The following INTS7 variants were observed in gnomAD, a reference collection of about 807,000 sequenced individuals.
INTS7 encodes chromosome 1 open reading frame 73.
Under a neutral mutation model 109.2 loss-of-function variants are expected in INTS7, and 46 were observed. The ratio of observed to expected loss-of-function variants is 0.42; its 90% CI spans 0.33 to 0.54. The LOEUF (loss-of-function observed/expected upper bound fraction) is 0.54. INTS7 is among the 20% of genes least tolerant of loss of function. The pLI is 0.07. For synonymous variants in INTS7, 412 were observed against 402.9 expected, an observed-to-expected ratio of 1.02 and a Z score of -0.27; for missense variants, 929 against 1,132.4, an observed-to-expected ratio of 0.82 and a Z score of 2.58.
rs143135682 is a variant in INTS7 at position 212,035,114 on chromosome 1, A to C, written c.94+230T>G. 3.7e-3 allele frequency among the ~76,000 whole-genome samples: 569 copies of C among 152,292 alleles called. 4 individuals are homozygous for C. The highest frequency in any genetic ancestry group is 0.013 in the African/African-American group (553 of 41,570). On this transcript the variant is annotated intron_variant, in intron 1 of 19. Coordinates refer to ENST00000366994, the MANE Select transcript of INTS7 (RefSeq NM_015434.4). The stretch of plus-strand genomic sequence containing the variant: ...CTCAAGTGGTCAAAACGGGCCTCTC[A>C]CTAGAGCTCGCTACTTGTTTAGCCG...
At chr1:211,995,005 T>C (rs1420114511) in intron 7 of INTS7, among the ~76,000 whole-genome samples, 5 of 151,942 alleles carry the variant, frequency 3.3e-5, no homozygotes, top group Non-Finnish European at 7.4e-5. Context: ...AAAAGATAAC[T>C]GGCAATTAGA....
intron 13 of INTS7, among the ~76,000 whole-genome samples, chr1:211,969,208 C>T (rs1295438882): frequency 6.6e-6 from 1 of 151,738 alleles, no homozygotes; most frequent in Non-Finnish European, 1.5e-5. Flanking sequence ...TGGCGTGAAC[C>T]CGGGAGGCGG....
intron 7 of INTS7, among the ~76,000 whole-genome samples, chr1:212,000,910 C>T (rs1241401210): frequency 6.6e-6 from 1 of 152,174 alleles, no homozygotes; most frequent in Non-Finnish European, 1.5e-5. Context: ...TCCAGTCTCA[C>T]CCACTCAAGG....
chr1:212,020,830 T>G (rs1426060600), intron 2 of INTS7: 1 of 684,872 alleles, frequency 1.5e-6, no homozygotes, highest in Non-Finnish European at 2.0e-6. Flanking sequence ...TTTCCTGAAG[T>G]ACACAGTAAA....
At position 212,035,525 on chromosome 1, in the gene INTS7, G is replaced by GT; in HGVS notation, c.-89dup. 1 of 1,065,618 alleles carries GT rather than the reference G, an allele frequency of 9.4e-7. No individual in the cohort carries two copies. The highest frequency in any genetic ancestry group is 1.4e-6 in the Non-Finnish European group (1 of 690,404). 66.0% of individuals were successfully genotyped at this position (1,065,618 alleles called of 1,614,324 possible). On this transcript the variant is annotated 5_prime_UTR_variant, in exon 1 of 20. Coordinates refer to ENST00000366994, the MANE Select transcript of INTS7 (RefSeq NM_015434.4). Reference sequence around the variant, plus strand: ...ATCTTCCCCCGCCGCCTTCTTGCTGGTTTTTCTTCCGCGCGCTGTCAAGCC... The same window carrying GT: ...ATCTTCCCCCGCCGCCTTCTTGCTGGTTTTTTCTTCCGCGCGCTGTCAAGCC...
chr1:211,968,322 T>C (rs1034932461), intron 14 of INTS7, among the ~76,000 whole-genome samples, 191 bp downstream of exon 14: 6 of 152,218 alleles, frequency 3.9e-5, no homozygotes, highest in Non-Finnish European at 7.3e-5. Context: ...GTAGCACCCA[T>C]TGAGATAACA....
chr1:212,021,248 G>GT (rs1320430896), intron 1 of INTS7, 36 bp from the exon 2 acceptor site: 2 of 1,561,422 alleles, frequency 1.3e-6, no homozygotes, highest in Non-Finnish European at 8.6e-7. Flanking sequence ...GGGAAGAACA[G>GT]TTTGCATATT....
chr1:212,015,977 G>T (rs1666422013), intron 4 of INTS7, among the ~76,000 whole-genome samples: 1 of 151,522 alleles, frequency 6.6e-6, no homozygotes, highest in African/African-American at 2.4e-5. Context: ...AGCTATTGGG[G>T]TTTTTTAAAA....
chr1:212,025,618 G>C (rs770789039), intron 1 of INTS7: 11 of 201,784 alleles, frequency 5.5e-5, no homozygotes, highest in Non-Finnish European at 1.2e-4. Context: ...GATAAAGTAA[G>C]TCTCTACAAA....
At chr1:211,955,236 T>C (rs1364516128) in intron 16 of INTS7, among the ~76,000 whole-genome samples, 2 of 152,178 alleles carry the variant, frequency 1.3e-5, no homozygotes, top group African/African-American at 4.8e-5. Context: ...TTTTTGTACA[T>C]TGATTTTGTA....
chr1:212,014,363 G>A (rs927852622), intron 4 of INTS7, among the ~76,000 whole-genome samples: 17 of 150,438 alleles, frequency 1.1e-4, no homozygotes, highest in African/African-American at 3.7e-4. Flanking sequence ...TACTTCGGAG[G>A]CTGAGGCAGA....
At position 212,007,298 on chromosome 1, in the gene INTS7, G is replaced by A. The variant is rs1292159606; in HGVS notation, c.708C>T (p.His236=). ...PSTKMVIVSL[H]TFTLLAASSL... ...ATGACGCTGCAAGCAGAGTGAAAGT[G>A]TGCAAAGACACAATCACCATTTTGG... The change falls in exon 6 of 20, where the codon CAC becomes CAT. Residue 236 remains histidine (H), a synonymous_variant. Transcript: ENST00000366994. The A allele has an allele frequency of 5.6e-6, 9 of 1,613,882 alleles. No individual in the cohort carries two copies. The highest frequency in any genetic ancestry group is 7.6e-6 in the Non-Finnish European group (9 of 1,179,924).
rs1158225577 is a variant in INTS7 at position 212,007,249 on chromosome 1, C to T, written c.756+1G>A. On this transcript the variant is annotated splice_donor_variant, in intron 6 of 19. Transcript: ENST00000366994. LOFTEE classifies it high-confidence loss of function. ...GGCAGTTTAAAGAAAATTGAAATTA[C>T]CTGCTTAGGTGTATCAACCAAAGAT... The T allele has an allele frequency of 1.9e-6, 3 of 1,607,190 alleles. No individual in the cohort carries two copies. The highest frequency in any genetic ancestry group is 1.7e-6 in the Non-Finnish European group (2 of 1,174,122).
At position 211,967,993 on chromosome 1, in the gene INTS7, A is replaced by T. The variant is rs1470842629; in HGVS notation, c.2011-12T>A. 1 of 1,442,752 alleles carries T rather than the reference A, an allele frequency of 6.9e-7. No individual in the cohort carries two copies. Among genetic ancestry groups the T allele is most frequent in the Non-Finnish European group, 9.5e-7 (1 of 1,048,802 alleles). 89.4% of individuals were successfully genotyped at this position (1,442,752 alleles called of 1,614,324 possible). ...ATGGACTGTTTCATCTATAAAAAAA[A>T]ATCAATTATGACAAACAAACATGCT... is the stretch of plus-strand genomic sequence containing the variant. On this transcript the variant is annotated splice_polypyrimidine_tract_variant and intron_variant, in intron 14 of 19. Coordinates refer to ENST00000366994, the MANE Select transcript of INTS7 (RefSeq NM_015434.4).
At chr1:212,017,331 C>T (rs1666486138) in intron 3 of INTS7, among the ~76,000 whole-genome samples, 1 of 152,172 alleles carries the variant, frequency 6.6e-6, no homozygotes, top group Non-Finnish European at 1.5e-5. Flanking sequence ...ATCAAAATAT[C>T]AATTTTCCAA....
chr1:212,008,761 C>T (rs747283309), intron 5 of INTS7, among the ~76,000 whole-genome samples: 5 of 152,132 alleles, frequency 3.3e-5, no homozygotes, highest in Non-Finnish European at 5.9e-5. Flanking sequence ...GCTTCTTAGA[C>T]CCTGGAGTCT....
chr1:211,995,752 T>C (rs1175575453), intron 7 of INTS7, among the ~76,000 whole-genome samples: 1 of 152,120 alleles, frequency 6.6e-6, no homozygotes, highest in Non-Finnish European at 1.5e-5. Flanking sequence ...GATTAGGCCA[T>C]AGGGAAGGAG....
intron 12 of INTS7, among the ~76,000 whole-genome samples, chr1:211,975,770 T>C (rs1664392200): frequency 6.6e-6 from 1 of 152,134 alleles, no homozygotes; most frequent in Non-Finnish European, 1.5e-5. Context: ...TGAATACCAT[T>C]TAATGCCTGG....
intron 7 of INTS7, among the ~76,000 whole-genome samples, chr1:212,001,967 C>T (rs1017256329): frequency 2.0e-5 from 3 of 152,168 alleles, no homozygotes; most frequent in African/African-American, 7.2e-5. Flanking sequence ...TATTTATAAC[C>T]TCAGCTGGAT....
Sources: allele counts gnomAD v4.1 joint callset (sites outside exome capture counted in the v4.1 genomes callset), GRCh38; gene constraint gnomAD v4.1.1; transcripts MANE v1.5; gene names NCBI Gene and HGNC (gene_info 2026-07-23, HGNC 2026-07-21).